TANGO2: variants seen among roughly 807,000 people sequenced by gnomAD.
TANGO2 encodes transport and golgi organization 2 homolog.
In TANGO2, 26 loss-of-function variants were observed where a neutral mutation model predicts 39.1. The observed-to-expected ratio is 0.67, with a 90% CI of 0.49 to 0.92. The LOEUF (loss-of-function observed/expected upper bound fraction) is 0.92, where lower values mean the gene tolerates loss of function less well. TANGO2 is among the 40% of genes least tolerant of loss of function. The pLI, the probability that TANGO2 is intolerant of heterozygous loss-of-function variation, is 0.00. For missense variants in TANGO2, 326 were observed against 360.1 expected (o/e 0.91, Z 0.77); for synonymous variants, 131 against 144.5 (o/e 0.91, Z 0.67).
At chr22:20,045,552 G>A (rs909719286) in intron 3 of TANGO2, among the ~76,000 whole-genome samples, 2 of 138,442 alleles carry the variant, frequency 1.4e-5, no homozygotes, top group African/African-American at 2.7e-5. Flanking sequence ...TGCCCAGGCT[G>A]GAGTGCAATG....
Position 20,064,547 on chromosome 22 carries a change from A to G in TANGO2, c.716A>G (p.Asn239Ser), listed in dbSNP as rs769390609. The G allele has an allele frequency of 1.5e-5, 24 of 1,614,012 alleles. 1 individual carries two copies. In the South Asian group the frequency reaches 2.5e-4, roughly 17 times the overall value. The change falls in exon 9 of 9, where the codon AAC becomes AGC. Residue 239 changes from asparagine to serine, a missense_variant. Transcript: ENST00000327374. ...VRCPGYGTRTNTIILVDADGH... is the reference protein window; with the variant it reads ...VRCPGYGTRTSTIILVDADGH... ...GGGCCCCTGCTCTCTTTCAGAACCA[A>G]CACTATCATCCTGGTAGATGCGGAC...
upstream of TANGO2, chr22:20,017,252 A>T (rs969600603): frequency 1.3e-5 from 2 of 152,280 alleles, no homozygotes; most frequent in Non-Finnish European, 2.9e-5. Flanking sequence ...TCCTGTCGAC[A>T]TCGAATTGTA....
rs144443261 is a variant in TANGO2, at chr22:20,046,653, T to G, written c.145+3210T>G. ...CTAATTTTTGTATTTTTGTATTTTT[T>G]TATTATTATTCTTTAAGTTCTAGGG... On this transcript the variant is annotated intron_variant, in intron 3 of 8. Coordinates refer to ENST00000327374, the MANE Select transcript of TANGO2 (RefSeq NM_152906.7). Among the ~76,000 whole-genome samples the G allele has an allele frequency of 2.2e-3, 330 of 152,096 alleles. 2 individuals carry two copies. Among genetic ancestry groups the G allele is most frequent in the African/African-American group, 7.4e-3 (305 of 41,494 alleles).
At chr22:20,019,765 A>G (rs1348293535), upstream of TANGO2, among the ~76,000 whole-genome samples, 1 of 152,162 alleles carries the variant, frequency 6.6e-6, no homozygotes, top group Non-Finnish European at 1.5e-5. Flanking sequence ...TCTTGGCCCT[A>G]TAGATTGCAT....
At chr22:20,040,198 A>C (rs2043640021) in intron 2 of TANGO2, among the ~76,000 whole-genome samples, 1 of 152,234 alleles carries the variant, frequency 6.6e-6, no homozygotes, top group Admixed American at 6.5e-5. Flanking sequence ...CAATTCAGCT[A>C]AACATGACTG....
chr22:20,027,206 C>T (rs1182361036), intron 1 of TANGO2, among the ~76,000 whole-genome samples: 2 of 152,146 alleles, frequency 1.3e-5, no homozygotes, highest in African/African-American at 2.4e-5. Context: ...TGTACAGCAC[C>T]GGGGGGGATG....
At chr22:20,041,921 A>C (rs2081573987) in intron 2 of TANGO2, among the ~76,000 whole-genome samples, 1 of 152,188 alleles carries the variant, frequency 6.6e-6, no homozygotes, top group Non-Finnish European at 1.5e-5. Flanking sequence ...ATGGCAGGAC[A>C]GCTGAGCTCT....
intron 2 of TANGO2, 77 bp from the exon 3 acceptor site, chr22:20,043,278 T>G (rs1346506998): frequency 1.6e-5 from 18 of 1,130,520 alleles, no homozygotes; most frequent in Non-Finnish European, 2.4e-5. Flanking sequence ...CTGAGGCCAG[T>G]TTTGTGTGTG....
intron 3 of TANGO2, among the ~76,000 whole-genome samples, chr22:20,048,743 T>G (rs1410739324): frequency 1.3e-5 from 2 of 151,970 alleles, no homozygotes; most frequent in African/African-American, 4.8e-5. Context: ...GCCTCCCAGG[T>G]TCAAGTGATT....
At position 20,035,768 on chromosome 22, in the gene TANGO2, G is replaced by A. The variant is rs1355939151; in HGVS notation, c.-39-992G>A. ...AGGCAGGGCTGCCCCCACTGGTGGCGTGTGGGGTGGGTTTGGTGCTGTTGC... is the reference window on the plus strand; with the variant it reads ...AGGCAGGGCTGCCCCCACTGGTGGCATGTGGGGTGGGTTTGGTGCTGTTGC... On this transcript the variant is annotated intron_variant, in intron 1 of 8. Transcript: ENST00000327374. Among the ~76,000 whole-genome samples, 8 of 152,218 alleles carry A rather than the reference G, an allele frequency of 5.3e-5. 1 individual carries two copies. The highest frequency in any genetic ancestry group is 3.9e-4 in the Admixed American group (6 of 15,282).
chr22:20,023,575 C>A (rs1179247277), intron 1 of TANGO2, among the ~76,000 whole-genome samples: 1 of 152,204 alleles, frequency 6.6e-6, no homozygotes, highest in East Asian at 1.9e-4. Context: ...TCATGATAGG[C>A]CAAGCACGGT....
At position 20,047,232 on chromosome 22, in the gene TANGO2, GT is replaced by G. The variant is rs113268323; in HGVS notation, c.145+3807del. ...TGGGGATCAGTTTTTTGGTTTGTTT[GT>G]TTTTTTTTTTTTTTTTTGAGACAGA... On this transcript the variant is annotated intron_variant, in intron 3 of 8. Transcript: ENST00000327374. Among the ~76,000 whole-genome samples the G allele has an allele frequency of 6.3e-3, 839 of 132,312 alleles. 6 individuals carry two copies. The highest frequency in any genetic ancestry group is 0.02 in the African/African-American group (700 of 35,094). 86.8% of individuals were successfully genotyped at this position (132,312 alleles called of 152,430 possible).
chr22:20,041,144 G>A (rs2043833152), intron 2 of TANGO2, among the ~76,000 whole-genome samples: 1 of 152,192 alleles, frequency 6.6e-6, no homozygotes, highest in Admixed American at 6.5e-5. Flanking sequence ...GTGGGTGCTA[G>A]CACCATGTAC....
At chr22:20,034,685 G>A (rs776950586) in intron 1 of TANGO2, among the ~76,000 whole-genome samples, 5 of 152,196 alleles carry the variant, frequency 3.3e-5, no homozygotes, top group Non-Finnish European at 5.9e-5. Context: ...GCTCTTTGGA[G>A]TCCCAGCCTA....
chr22:20,023,747 A>G (rs1340700868), intron 1 of TANGO2, among the ~76,000 whole-genome samples: 1 of 151,760 alleles, frequency 6.6e-6, no homozygotes, highest in Non-Finnish European at 1.5e-5. Flanking sequence ...AGTCCCAGCT[A>G]CTCGGGAGGC....
At chr22:20,026,446 T>C (rs1473415864) in intron 1 of TANGO2, among the ~76,000 whole-genome samples, 2 of 150,930 alleles carry the variant, frequency 1.3e-5, no homozygotes, top group African/African-American at 2.4e-5. Flanking sequence ...ACAAGGTAGA[T>C]AAGAAAAAGG....
At chr22:20,063,713 G>A (rs1602424070) in intron 8 of TANGO2, 1 of 401,132 alleles carries the variant, frequency 2.5e-6, no homozygotes, top group Non-Finnish European at 4.5e-6. Context: ...GGATCCCTGC[G>A]GGCAAACGCC....
intron 7 of TANGO2, among the ~76,000 whole-genome samples, chr22:20,062,574 T>C (rs1313179425): frequency 6.6e-6 from 1 of 152,246 alleles, no homozygotes; most frequent in Non-Finnish European, 1.5e-5. Flanking sequence ...CCCTCCCAGC[T>C]GTAAGTCCAC....
chr22:20,062,741 G>A (rs2048611947), intron 7 of TANGO2, among the ~76,000 whole-genome samples: 1 of 151,788 alleles, frequency 6.6e-6, no homozygotes, highest in Non-Finnish European at 1.5e-5. Flanking sequence ...GGCAGGCAGG[G>A]AGCTTGTATG....
Sources: gnomAD v4.1 joint callset for allele counts (sites outside exome capture counted in the v4.1 genomes callset) on GRCh38, gnomAD v4.1.1 for gene constraint, MANE v1.5 for transcripts, NCBI Gene and HGNC (gene_info 2026-07-23, HGNC 2026-07-21) for gene names.